The following LARGE1 variants were observed in gnomAD, a reference collection of about 807,000 sequenced individuals.
LARGE1 encodes the protein LARGE xylosyl- and glucuronyltransferase 1.
LARGE1 carries 43 observed loss-of-function variants against 87.6 expected under a neutral mutation model. That is an observed-to-expected ratio of 0.49 (90% CI 0.38 to 0.63). The LOEUF (loss-of-function observed/expected upper bound fraction) is 0.63. LARGE1 is among the 30% of genes least tolerant of loss of function. LARGE1 has a pLI of 0.00. For missense variants in LARGE1, 802 were observed against 1,000.2 expected (o/e 0.80, Z 2.67); for synonymous variants, 434 against 394.6 (o/e 1.10, Z -1.18).
chr22:33,348,397 C>CCTA (rs759489405), intron 9 of LARGE1, among the ~76,000 whole-genome samples: 9 of 151,752 alleles, frequency 5.9e-5, no homozygotes, highest in Non-Finnish European at 8.8e-5. Flanking sequence ...CTCCAAACTA[C>CCTA]CTACTATATT....
intron 2 of LARGE1, among the ~76,000 whole-genome samples, chr22:33,703,758 G>A (rs1419730555): frequency 2.0e-5 from 3 of 152,242 alleles, no homozygotes; most frequent in Non-Finnish European, 2.9e-5. Context: ...AAACAGCCCT[G>A]TGAACACCCT....
rs60815644 is a variant in LARGE1, at chr22:33,642,710, C to CAAAAAAAAAAAAAAAA, written c.408+7641_408+7656dup. ...GAATATTTACCAAGCAAATGGAAAG[C>CAAAAAAAAAAAAAAAA]AAAAAAAAAAAAAAAAAAAAAAAAA... On this transcript the variant is annotated intron_variant, in intron 3 of 14. Transcript: ENST00000397394. 6.9e-4 allele frequency among the ~76,000 whole-genome samples: 12 copies of CAAAAAAAAAAAAAAAA among 17,340 alleles called. 1 individual carries two copies. The highest frequency in any genetic ancestry group is 5.1e-3 in the East Asian group (2 of 390). The allele number at this position is 17,340 out of a possible 152,430, so 11.4% of individuals were successfully genotyped here. A position where few individuals can be genotyped will look rare whatever the true frequency, so the allele number is the denominator to read the frequency against.
At chr22:33,791,959 A>G (rs898284724) in intron 1 of LARGE1, among the ~76,000 whole-genome samples, 3 of 152,204 alleles carry the variant, frequency 2.0e-5, no homozygotes, top group African/African-American at 7.2e-5. Flanking sequence ...TACTACTCAC[A>G]ACAGCCCCAC....
chr22:33,616,493 T>C (rs2079585266), intron 4 of LARGE1, among the ~76,000 whole-genome samples: 2 of 151,674 alleles, frequency 1.3e-5, no homozygotes, highest in African/African-American at 2.4e-5. Flanking sequence ...GATCACACCA[T>C]TGCACTCCAG....
At chr22:33,509,137 C>T (rs993453700) in intron 6 of LARGE1, among the ~76,000 whole-genome samples, 5 of 152,144 alleles carry the variant, frequency 3.3e-5, no homozygotes, top group East Asian at 3.8e-4. Flanking sequence ...AACTTTCCCA[C>T]GCATTATAAT....
chr22:33,570,388 C>A (rs904505722), intron 5 of LARGE1, among the ~76,000 whole-genome samples: 10 of 152,118 alleles, frequency 6.6e-5, no homozygotes, highest in Non-Finnish European at 1.5e-4. Flanking sequence ...AGTCACTTGT[C>A]ACCTTGTCCT....
chr22:33,426,222 T>C (rs926938647), intron 7 of LARGE1, among the ~76,000 whole-genome samples: 3 of 152,190 alleles, frequency 2.0e-5, no homozygotes, highest in Non-Finnish European at 2.9e-5. Context: ...CGCTTCTCTA[T>C]TAGACGATAA....
At chr22:33,073,431 G>T in the LARGE1 span, among the ~76,000 whole-genome samples, 2 of 152,106 alleles carry the variant, frequency 1.3e-5, no homozygotes, top group Non-Finnish European at 1.5e-5. Context: ...GAATTTTAAA[G>T]GAGTTTTAAG....
At position 33,320,381 on chromosome 22, in the gene LARGE1, C is replaced by T. The variant is rs5754522; in HGVS notation, c.1288-4133G>A. Among the ~76,000 whole-genome samples, 5 of 152,338 alleles carry T rather than the reference C, an allele frequency of 3.3e-5. No homozygotes were observed. The East Asian group carries it at 9.7e-4, about 29-fold the overall frequency. On this transcript the variant is annotated intron_variant, in intron 10 of 14. Coordinates refer to ENST00000397394, the MANE Select transcript of LARGE1 (RefSeq NM_133642.5). Reference sequence around the variant, plus strand: ...ACCTTTCAAGATTCAGCCCAGATGGCACCTGCTCTGTGAGACCTCTGCAGA... The same window carrying T: ...ACCTTTCAAGATTCAGCCCAGATGGTACCTGCTCTGTGAGACCTCTGCAGA...
chr22:33,883,444 G>A (rs964720851), intron 1 of LARGE1, among the ~76,000 whole-genome samples: 1 of 152,166 alleles, frequency 6.6e-6, no homozygotes, highest in Non-Finnish European at 1.5e-5. Context: ...CTGAAGTACA[G>A]CCCTCCGCAG....
At chr22:33,821,170 G>C (rs962256342) in intron 1 of LARGE1, among the ~76,000 whole-genome samples, 1 of 152,174 alleles carries the variant, frequency 6.6e-6, no homozygotes, top group Non-Finnish European at 1.5e-5. Context: ...TTGTGACAAA[G>C]GCAGAGAGGG....
At chr22:33,588,838 A>G (rs2078754993) in intron 5 of LARGE1, among the ~76,000 whole-genome samples, 1 of 152,200 alleles carries the variant, frequency 6.6e-6, no homozygotes, top group Non-Finnish European at 1.5e-5. Flanking sequence ...GGAGGAACAG[A>G]AAACACACTG....
intron 2 of LARGE1, among the ~76,000 whole-genome samples, chr22:33,683,007 G>C (rs539104194): frequency 5.9e-5 from 9 of 152,218 alleles, no homozygotes; most frequent in Non-Finnish European, 1.3e-4. Context: ...AACATATACT[G>C]ATGGTCTCCT....
the LARGE1 span, among the ~76,000 whole-genome samples, chr22:33,127,556 A>G: frequency 1.3e-5 from 2 of 152,212 alleles, no homozygotes. Flanking sequence ...TTCTTTAAAT[A>G]TTTCATCTCT....
intron 2 of LARGE1, among the ~76,000 whole-genome samples, chr22:33,741,791 C>T (rs1451180097): frequency 6.6e-6 from 1 of 152,332 alleles, no homozygotes; most frequent in South Asian, 2.1e-4. Context: ...CCTGCAATCA[C>T]CTTGCAAGAA....
At chr22:33,245,630 C>T (rs557375367) in intron 11 of LARGE1, among the ~76,000 whole-genome samples, 17 of 152,306 alleles carry the variant, frequency 1.1e-4, no homozygotes, top group African/African-American at 2.4e-4. Flanking sequence ...TGCTCTTGGC[C>T]GGGCATGGTG....
intron 4 of LARGE1, among the ~76,000 whole-genome samples, chr22:33,611,511 G>A (rs552281817): frequency 6.6e-6 from 1 of 152,190 alleles, no homozygotes; most frequent in Non-Finnish European, 1.5e-5. Flanking sequence ...GAATAAGAGT[G>A]TTGACCTCAT....
At chr22:33,673,067 G>A (rs1012384079) in intron 2 of LARGE1, among the ~76,000 whole-genome samples, 1 of 152,146 alleles carries the variant, frequency 6.6e-6, no homozygotes, top group African/African-American at 2.4e-5. Context: ...GAGGTCAGGA[G>A]TTTGAGCCCA....
chr22:33,739,311 C>T (rs1331348180), intron 2 of LARGE1, among the ~76,000 whole-genome samples: 7 of 152,146 alleles, frequency 4.6e-5, no homozygotes, highest in Non-Finnish European at 1.5e-5. Context: ...AACTCTCGAG[C>T]CTCCCTGTCT....
Sources: allele counts gnomAD v4.1 joint callset (sites outside exome capture counted in the v4.1 genomes callset), GRCh38; gene constraint gnomAD v4.1.1; transcripts MANE v1.5; gene names NCBI Gene and HGNC (gene_info 2026-07-23, HGNC 2026-07-21).